Variants in SERPINB1 observed in about 807,000 individuals in gnomAD.
SERPINB1 encodes leukocyte elastase inhibitor.
A neutral mutation model predicts 25.9 loss-of-function variants in SERPINB1; 23 were observed. That is an observed-to-expected ratio of 0.89 (90% confidence interval 0.64 to 1.26). The LOEUF (loss-of-function observed/expected upper bound fraction) is 1.26, where lower values mean the gene tolerates loss of function less well. SERPINB1 is among the 50% of genes most tolerant of loss of function. SERPINB1 has a pLI of 0.00. For synonymous variants in SERPINB1, 178 were observed against 178.7 expected (o/e 1.00, Z 0.03); for missense variants, 399 against 463.6 (o/e 0.86, Z 1.28).
intron 2 of SERPINB1, 89 bp downstream of exon 2, chr6:2,840,330 A>C: frequency 1.4e-6 from 2 of 1,449,998 alleles, no homozygotes; most frequent in Non-Finnish European, 1.9e-6. Context: ...AACACAAGGT[A>C]AGAGCTCAAA....
intron 6 of SERPINB1, among the ~76,000 whole-genome samples, chr6:2,834,607 C>T (rs1320906264): frequency 6.6e-6 from 1 of 152,170 alleles, no homozygotes; most frequent in African/African-American, 2.4e-5. Context: ...AAACCCCTAC[C>T]ACAATGGATT....
chr6:2,839,217 C>T (rs1467502158), intron 2 of SERPINB1: 1 of 600,488 alleles, frequency 1.7e-6, no homozygotes, highest in Non-Finnish European at 2.1e-6. Flanking sequence ...GTTTAATTCC[C>T]CATGTATCAG....
intron 4 of SERPINB1, among the ~76,000 whole-genome samples, chr6:2,836,491 A>C (rs967923373): frequency 1.3e-5 from 2 of 152,192 alleles, no homozygotes; most frequent in African/African-American, 4.8e-5. Flanking sequence ...CATTTTAAAC[A>C]AGTCAAATGT....
rs201317595 is a variant in SERPINB1, at chr6:2,833,715, T to C, written c.1033A>G (p.Met345Val). The part of the protein sequence containing the change: ...AATAGIATFC[M>V]LMPEENFTAD... ...GTGAAATTTTCTTCGGGCATCAACA[T>C]GCAGAAAGTTGCGATGCCTGCTGTG... Residue 345 changes from methionine to valine, a missense_variant, in exon 7 of 7, where the codon ATG (methionine) becomes GTG (valine). Transcript: ENST00000380739. 3 of 1,614,226 alleles carry C rather than the reference T, an allele frequency of 1.9e-6. No homozygotes were observed. The highest frequency in any genetic ancestry group is 4.5e-5 in the East Asian group (2 of 44,894).
Sources: allele counts gnomAD v4.1 joint callset (sites outside exome capture counted in the v4.1 genomes callset), GRCh38; gene constraint gnomAD v4.1.1; transcripts MANE v1.5; gene names NCBI Gene and HGNC (gene_info 2026-07-23, HGNC 2026-07-21).